The following TRMT1L variants were observed in gnomAD, a reference collection of about 807,000 sequenced individuals.
TRMT1L encodes the protein tRNA methyltransferase 1L.
A neutral mutation model predicts 81.6 loss-of-function variants in TRMT1L; 28 were observed. The ratio of observed to expected loss-of-function variants is 0.34; its 90% confidence interval spans 0.25 to 0.47. The LOEUF is 0.47. Among genes scored for constraint, TRMT1L ranks in the 20% least tolerant of loss-of-function variants. The pLI, the probability that TRMT1L is intolerant of heterozygous loss-of-function variation, is 1.00. For missense variants in TRMT1L, 739 were observed against 877.1 expected (o/e 0.84, Z 1.99); for synonymous variants, 301 against 303.2 (o/e 0.99, Z 0.07).
In TRMT1L at chr1:185,144,602, A is replaced by G. The variant is rs72637297; in HGVS notation, c.656-573T>C. ...ATGAAAAAATGATTTTACATTTAGTATGTTAGAATCATTTAGCTATAAACT... is the reference window on the plus strand; with the variant it reads ...ATGAAAAAATGATTTTACATTTAGTGTGTTAGAATCATTTAGCTATAAACT... On this transcript the variant is annotated intron_variant, in intron 5 of 14. Transcript: ENST00000367506. 1.2e-4 allele frequency among the ~76,000 whole-genome samples: 19 copies of G among 152,038 alleles called. No individual in the cohort carries two copies. In the East Asian group the frequency reaches 3.7e-3, roughly 29 times the overall value.
chr1:185,152,452 T>C (rs528145607), intron 1 of TRMT1L, among the ~76,000 whole-genome samples: 36 of 152,216 alleles, frequency 2.4e-4, no homozygotes, highest in Non-Finnish European at 4.9e-4. Context: ...AGTAGAAGTA[T>C]GTGCAGCTGA....
In TRMT1L at chr1:185,137,612, C is replaced by A. The variant is rs1015039806; in HGVS notation, c.1507G>T (p.Val503Leu). ...ATATATAACTTGAATTTACCTTCTA[C>A]CATATTACCATCCTTCTGAAAAATT... ...ERIFQKDGNM[V>L]EENPYRQLPC... Residue 503 changes from valine to leucine, a missense_variant, in exon 10 of 15, where the codon GTA becomes TTA. By Grantham distance (32) the Val-to-Leu change is conservative (BLOSUM62 1). Around this residue, in one of 4 missense-constraint regions of TRMT1L, gnomAD observed 331 missense variants for 462.2 expected, o/e 0.72. Transcript: ENST00000367506. 7.4e-6 allele frequency: 12 copies of A among 1,613,318 alleles called. No individual in the cohort carries two copies. The highest frequency in any genetic ancestry group is 1.0e-5 in the Non-Finnish European group (12 of 1,179,744).
At chr1:185,143,316 GAATA>G in intron 7 of TRMT1L, 37 bp downstream of exon 7, 2 of 1,503,450 alleles carry the variant, frequency 1.3e-6, no homozygotes, top group South Asian at 1.2e-5. Flanking sequence ...CTGTAAAATT[GAATA>G]AATAAAATGG....
intron 10 of TRMT1L, among the ~76,000 whole-genome samples, chr1:185,136,784 A>G (rs1176596753): frequency 1.3e-5 from 2 of 152,224 alleles, no homozygotes; most frequent in African/African-American, 4.8e-5. Flanking sequence ...CTGGAACAGA[A>G]CAGAAAATCT....
chr1:185,135,285 G>A (rs1474855014), intron 10 of TRMT1L, among the ~76,000 whole-genome samples: 1 of 151,798 alleles, frequency 6.6e-6, no homozygotes, highest in African/African-American at 2.4e-5. Flanking sequence ...GCATGATGGC[G>A]TGTGCCTGTA....
In TRMT1L at chr1:185,143,886, C is replaced by G. The variant is rs1653115960; in HGVS notation, c.779+20G>C. On this transcript the variant is annotated intron_variant, in intron 6 of 14. Coordinates refer to ENST00000367506, the MANE Select transcript of TRMT1L (RefSeq NM_030934.5). The stretch of plus-strand genomic sequence containing the variant: ...TAATAATTTGAAACATCCCATAACC[C>G]TATTTTCAATTTATCTTACCGATTT... 1 of 1,593,872 alleles carries G rather than the reference C, an allele frequency of 6.3e-7. No individual in the cohort carries two copies. Among genetic ancestry groups the G allele is most frequent in the African/African-American group, 1.3e-5 (1 of 74,326 alleles).
At chr1:185,141,053 C>T (rs1416951753) in intron 7 of TRMT1L, among the ~76,000 whole-genome samples, 1 of 151,416 alleles carries the variant, frequency 6.6e-6, no homozygotes, top group Non-Finnish European at 1.5e-5. Context: ...CCCCTTTTCA[C>T]AGTTTTTCCA....
upstream of TRMT1L, chr1:185,157,498 C>G (rs1036739298): frequency 5.9e-5 from 9 of 152,650 alleles, no homozygotes; most frequent in East Asian, 1.4e-3. Flanking sequence ...GGTTCTGGCC[C>G]GGCTTGCCTC....
chr1:185,145,379 T>C, intron 5 of TRMT1L, 60 bp downstream of exon 5: 2 of 1,525,950 alleles, frequency 1.3e-6, no homozygotes, highest in Non-Finnish European at 9.0e-7. Context: ...CTGAAAATAA[T>C]AACTGGACCA....
intron 1 of TRMT1L, 141 bp downstream of exon 1, chr1:185,156,337 C>T (rs1290975717): frequency 2.5e-6 from 4 of 1,575,064 alleles, no homozygotes; most frequent in Non-Finnish European, 3.5e-6. Flanking sequence ...AGCCGCTACA[C>T]GGGCCCCTCT....
At chr1:185,128,538 G>A in intron 11 of TRMT1L, 131 bp downstream of exon 11, 1 of 794,082 alleles carries the variant, frequency 1.3e-6, no homozygotes, top group Non-Finnish European at 2.1e-6. Context: ...AGGAGGAGAA[G>A]AGTCATAATT....
At chr1:185,123,499 T>A (rs1652547287) in intron 13 of TRMT1L, among the ~76,000 whole-genome samples, 1 of 152,150 alleles carries the variant, frequency 6.6e-6, no homozygotes, top group Non-Finnish European at 1.5e-5. Context: ...ATGGAATTGC[T>A]ATAAATCATA....
chr1:185,126,090 A>C (rs549931886), intron 11 of TRMT1L, among the ~76,000 whole-genome samples: 1 of 152,138 alleles, frequency 6.6e-6, no homozygotes, highest in South Asian at 2.1e-4. Context: ...TCCACCACTT[A>C]CTAGTTATGT....
chr1:185,140,299 G>GT (rs1402250490), intron 7 of TRMT1L, 77 bp from the exon 8 acceptor site: 1 of 1,144,212 alleles, frequency 8.7e-7, no homozygotes, highest in Non-Finnish European at 1.2e-6. Flanking sequence ...ACAACATTCA[G>GT]TTTTATAAAT....
At chr1:185,150,062 A>T (rs562274748) in intron 3 of TRMT1L, among the ~76,000 whole-genome samples, 34 of 152,264 alleles carry the variant, frequency 2.2e-4, no homozygotes, top group African/African-American at 7.9e-4. Context: ...CATGTACTAT[A>T]CCTTCCAAAA....
At chr1:185,131,221 G>A (rs1357142022) in intron 10 of TRMT1L, among the ~76,000 whole-genome samples, 2 of 151,796 alleles carry the variant, frequency 1.3e-5, no homozygotes, top group African/African-American at 4.8e-5. Flanking sequence ...GGATGGTCTC[G>A]ATCTCCTGAC....
In TRMT1L at chr1:185,128,671, C is replaced by T. The variant is rs770624739; in HGVS notation, c.1590G>A (p.Leu530=). 12 of 1,612,700 alleles carry T rather than the reference C, an allele frequency of 7.4e-6. No homozygotes were observed. Among genetic ancestry groups the T allele is most frequent in the Non-Finnish European group, 1.0e-5 (12 of 1,179,404 alleles). The stretch of plus-strand genomic sequence containing the variant: ...TGTTCTTATGGCTGGTCACATACCA[C>T]AGAGGTCCAAGTTCTATTGCTGTCT... ...PGKTAIELGP[L]WSSSLFNTGF... The change falls in exon 11 of 15, where the codon CTG becomes CTA. Residue 530 remains leucine (L), a splice_region_variant and synonymous_variant. Coordinates refer to ENST00000367506, the MANE Select transcript of TRMT1L (RefSeq NM_030934.5).
chr1:185,125,013 T>C lies in TRMT1L; in HGVS notation c.1690A>G (p.Ile564Val). The C allele has an allele frequency of 1.9e-6, 3 of 1,613,320 alleles. No individual in the cohort carries two copies. Among genetic ancestry groups the C allele is most frequent in the Non-Finnish European group, 1.7e-6 (2 of 1,179,588 alleles). The change falls in exon 12 of 15, where the codon ATC (isoleucine) becomes GTC (valine). Residue 564 changes from isoleucine (I) to valine (V), a missense_variant. By Grantham distance (29) the Ile-to-Val change is conservative (BLOSUM62 3). Around this residue, in one of 4 missense-constraint regions of TRMT1L, gnomAD observed 196 missense variants for 232.6 expected, o/e 0.84. Transcript: ENST00000367506. Reference protein sequence around the residue: ...DDIQTLIKTLIFESECTPQSQ... With the variant: ...DDIQTLIKTLVFESECTPQSQ... Reference sequence around the variant, plus strand: ...TGAGGCGTACACTCTGATTCAAAGATTAATGTCTTTATTAGGGTCTGAATG... The same window carrying C: ...TGAGGCGTACACTCTGATTCAAAGACTAATGTCTTTATTAGGGTCTGAATG...
intron 5 of TRMT1L, among the ~76,000 whole-genome samples, chr1:185,144,271 T>C (rs2102250441): frequency 6.6e-6 from 1 of 152,156 alleles, no homozygotes; most frequent in Middle Eastern, 3.4e-3. Context: ...ATCTGATTAA[T>C]GAAAGTTAAT....
Sources: gnomAD v4.1 joint callset for allele counts (sites outside exome capture counted in the v4.1 genomes callset) on GRCh38, gnomAD v4.1.1 for gene constraint, gnomAD v4.1.1 regional missense constraint, MANE v1.5 for transcripts, NCBI Gene and HGNC (gene_info 2026-07-23, HGNC 2026-07-21) for gene names.